ANKS1B: variants seen among roughly 807,000 people sequenced by gnomAD.
ANKS1B encodes ankyrin repeat and sterile alpha motif domain-containing protein 1B.
Under a neutral mutation model 148.3 loss-of-function variants are expected in ANKS1B, and 36 were observed. That is an observed-to-expected ratio of 0.24 (90% CI 0.19 to 0.32). The LOEUF (loss-of-function observed/expected upper bound fraction) is 0.32, where lower values mean the gene tolerates loss of function less well. ANKS1B is among the 10% of genes least tolerant of loss of function. ANKS1B has a pLI of 1.00. For missense variants in ANKS1B, 1,157 were observed against 1,542.6 expected (o/e 0.75, Z 4.19); for synonymous variants, 542 against 560.8 (o/e 0.97, Z 0.47).
chr12:99,253,056 T>C (rs1156307108), intron 12 of ANKS1B, among the ~76,000 whole-genome samples: 1 of 152,064 alleles, frequency 6.6e-6, no homozygotes, highest in Non-Finnish European at 1.5e-5. Context: ...AGACCTCATC[T>C]GTACAAAAAG....
intron 8 of ANKS1B, among the ~76,000 whole-genome samples, chr12:99,734,310 C>T (rs947906304): frequency 5.9e-5 from 9 of 152,132 alleles, no homozygotes; most frequent in African/African-American, 1.9e-4. Context: ...TCATTTCTCC[C>T]ACATCTTTTT....
At chr12:99,651,149 G>A (rs1044568656) in intron 9 of ANKS1B, among the ~76,000 whole-genome samples, 18 of 152,220 alleles carry the variant, frequency 1.2e-4, no homozygotes, top group African/African-American at 4.1e-4. Flanking sequence ...TTGTAAGGAA[G>A]CAGTTTACCA....
chr12:99,215,788 C>G (rs533970979), intron 14 of ANKS1B, among the ~76,000 whole-genome samples: 15 of 152,180 alleles, frequency 9.9e-5, no homozygotes, highest in Admixed American at 6.5e-5. Flanking sequence ...TTTATGGGCT[C>G]ATGGGCAGAA....
chr12:98,781,378 C>T (rs1019960029), intron 23 of ANKS1B, 175 bp from the exon 24 acceptor site: 4 of 672,800 alleles, frequency 5.9e-6, no homozygotes, highest in African/African-American at 1.8e-5. Flanking sequence ...ATTTTAATGT[C>T]TGCCTCTCCT....
At chr12:99,151,722 T>C (rs2074979211) in intron 15 of ANKS1B, among the ~76,000 whole-genome samples, 1 of 152,190 alleles carries the variant, frequency 6.6e-6, no homozygotes, top group African/African-American at 2.4e-5. Flanking sequence ...CAATAAATAC[T>C]TTAAGTGACT....
chr12:99,274,658 G>T (rs2077462608), intron 12 of ANKS1B, among the ~76,000 whole-genome samples: 1 of 152,062 alleles, frequency 6.6e-6, no homozygotes, highest in Admixed American at 6.6e-5. Context: ...GTTTCTGCCT[G>T]CTACTTGGTT....
intron 9 of ANKS1B, among the ~76,000 whole-genome samples, chr12:99,535,381 A>G (rs1418347653): frequency 6.6e-6 from 1 of 152,206 alleles, no homozygotes; most frequent in South Asian, 2.1e-4. Context: ...AGCATCACAC[A>G]TGCAGATTAA....
chr12:99,615,821 G>C (rs544218826), intron 9 of ANKS1B, among the ~76,000 whole-genome samples: 2 of 151,990 alleles, frequency 1.3e-5, no homozygotes, highest in Admixed American at 1.3e-4. Context: ...AGAAATAAAG[G>C]GTATTCAAAT....
intron 9 of ANKS1B, among the ~76,000 whole-genome samples, chr12:98,737,704 A>G (rs1473646372): frequency 6.6e-6 from 1 of 152,214 alleles, no homozygotes; most frequent in African/African-American, 2.4e-5. Flanking sequence ...TATCACCAGC[A>G]TTTTATCTTG....
chr12:99,811,032 A>C (rs2068288283), intron 3 of ANKS1B, among the ~76,000 whole-genome samples: 1 of 151,936 alleles, frequency 6.6e-6, no homozygotes. Flanking sequence ...TCTTATTAAA[A>C]TTTCTGCATT....
intron 15 of ANKS1B, among the ~76,000 whole-genome samples, chr12:99,137,357 G>C (rs933962433): frequency 6.6e-6 from 1 of 152,150 alleles, no homozygotes; most frequent in Middle Eastern, 3.2e-3. Flanking sequence ...AGGGGCCAAC[G>C]ATTACCCAGT....
intron 9 of ANKS1B, among the ~76,000 whole-genome samples, chr12:99,625,347 T>C (rs2098101329): frequency 6.6e-6 from 1 of 152,060 alleles, no homozygotes; most frequent in Non-Finnish European, 1.5e-5. Context: ...CACAATATAT[T>C]CTTGTAGCAA....
chr12:99,727,784 A>C (rs1360050324), intron 8 of ANKS1B, among the ~76,000 whole-genome samples: 4 of 152,208 alleles, frequency 2.6e-5, no homozygotes, highest in African/African-American at 9.6e-5. Flanking sequence ...ACTGGTACCA[A>C]AACAGACATA....
intron 8 of ANKS1B, among the ~76,000 whole-genome samples, chr12:99,770,797 A>T (rs1210776203): frequency 6.6e-6 from 1 of 152,112 alleles, no homozygotes; most frequent in Non-Finnish European, 1.5e-5. Flanking sequence ...AATAAACAGA[A>T]TTATTTGCTC....
intron 4 of ANKS1B, among the ~76,000 whole-genome samples, chr12:99,805,407 T>G (rs2067511760): frequency 6.6e-6 from 1 of 151,924 alleles, no homozygotes; most frequent in Non-Finnish European, 1.5e-5. Context: ...AAGGATTGCT[T>G]GAGCCCAGGA....
intron 1 of ANKS1B, among the ~76,000 whole-genome samples, chr12:99,946,719 T>C (rs1292801375): frequency 3.3e-5 from 5 of 152,186 alleles, no homozygotes; most frequent in African/African-American, 9.7e-5. Context: ...TGACAGTATA[T>C]GCCAGTTCCA....
chr12:99,866,659 T>TTACTGTATTAAGTACAATGTGTACAATTG, intron 1 of ANKS1B, among the ~76,000 whole-genome samples: 2 of 152,230 alleles, frequency 1.3e-5, no homozygotes, highest in Non-Finnish European at 2.9e-5. Flanking sequence ...CAAATATGCA[T>TTACTGTATTAAGTACAATGTGTACAATTG]TACTGTATTA....
Position 99,328,514 on chromosome 12 carries a change from T to C in ANKS1B, c.1756+71117A>G, listed in dbSNP as rs538974570. ...AGAATTAGGTGGAGTACACAGAAGG[T>C]TCTTGCCTCAACAGCAGGAAATAAT... On this transcript the variant is annotated intron_variant, in intron 12 of 26. Transcript: ENST00000683438. 9.2e-5 allele frequency among the ~76,000 whole-genome samples: 14 copies of C among 152,060 alleles called. 1 individual carries two copies. The highest frequency in any genetic ancestry group is 2.9e-4 in the African/African-American group (12 of 41,510).
chr12:99,401,282 C>T (rs890262285), intron 11 of ANKS1B, among the ~76,000 whole-genome samples: 1 of 146,092 alleles, frequency 6.8e-6, no homozygotes, highest in African/African-American at 2.6e-5. Flanking sequence ...ATTCAATGTC[C>T]TTTCCACCAC....
Sources: allele counts gnomAD v4.1 joint callset (sites outside exome capture counted in the v4.1 genomes callset), GRCh38; gene constraint gnomAD v4.1.1; transcripts MANE v1.5; gene names NCBI Gene and HGNC (gene_info 2026-07-23, HGNC 2026-07-21).